Variants in CYFIP2 observed in about 807,000 individuals in gnomAD.
CYFIP2 encodes the protein cytoplasmic FMR1-interacting protein 2.
In CYFIP2, 29 loss-of-function variants were observed where a neutral mutation model predicts 158.7. That is an observed-to-expected ratio of 0.18 (90% CI 0.14 to 0.25). The LOEUF (loss-of-function observed/expected upper bound fraction) is 0.25, where lower values mean the gene tolerates loss of function less well. Among genes scored for constraint, CYFIP2 ranks in the 10% least tolerant of loss-of-function variants. CYFIP2 has a pLI of 1.00. For missense variants in CYFIP2, 852 were observed against 1,639.5 expected, an observed-to-expected ratio of 0.52 and a Z score of 8.29; for synonymous variants, 585 against 617.6, an observed-to-expected ratio of 0.95 and a Z score of 0.78.
chr5:157,288,572 T>C (rs1157735688), intron 3 of CYFIP2: 1 of 455,616 alleles, frequency 2.2e-6, no homozygotes, highest in African/African-American at 2.0e-5. Flanking sequence ...AAGTGGGAAA[T>C]AGATAAGCTT....
At chr5:157,367,679 CATTG>C (rs1486691612) in intron 26 of CYFIP2, among the ~76,000 whole-genome samples, 3 of 149,460 alleles carry the variant, frequency 2.0e-5, no homozygotes, top group Non-Finnish European at 3.0e-5. Context: ...GAAATAAATT[CATTG>C]ATTGAAAACT....
intron 18 of CYFIP2, among the ~76,000 whole-genome samples, chr5:157,326,649 G>C (rs1761042028): frequency 1.3e-5 from 2 of 152,350 alleles, no homozygotes; most frequent in South Asian, 4.1e-4. Context: ...AGGGAAGAGA[G>C]CACGTGGCCC....
At chr5:157,373,829 G>A (rs1213257064) in intron 26 of CYFIP2, among the ~76,000 whole-genome samples, 1 of 152,186 alleles carries the variant, frequency 6.6e-6, no homozygotes, top group Non-Finnish European at 1.5e-5. Flanking sequence ...GGGTGGTGGA[G>A]TTATACATTT....
At chr5:157,382,781 A>G in intron 27 of CYFIP2, 119 bp downstream of exon 27, 1 of 1,004,882 alleles carries the variant, frequency 1.0e-6, no homozygotes, top group Non-Finnish European at 1.5e-6. Context: ...TTGGACACCT[A>G]TTGAATAGCC....
rs372850169 is a variant in CYFIP2 at position 157,298,328 on chromosome 5, T to TTTTA, written c.387+1570_387+1573dup. Among the ~76,000 whole-genome samples, 76 of 151,966 alleles carry TTTTA rather than the reference T, an allele frequency of 5.0e-4. 1 individual carries two copies. The highest frequency in any genetic ancestry group is 1.6e-3 in the African/African-American group (68 of 41,428). On this transcript the variant is annotated intron_variant, in intron 5 of 30. Coordinates refer to ENST00000620254, the MANE Select transcript of CYFIP2 (RefSeq NM_001037333.3). ...GTTGTACATTCATCACGACAATCAG[T>TTTTA]TTTATTTATTTATTTATTTTTGAGA...
intron 21 of CYFIP2, among the ~76,000 whole-genome samples, chr5:157,335,489 G>C (rs776665527): frequency 6.6e-6 from 1 of 152,204 alleles, no homozygotes; most frequent in Non-Finnish European, 1.5e-5. Context: ...TGTTGGCCAG[G>C]CTGGTCTCAA....
chr5:157,379,051 A>T (rs1421554099), intron 26 of CYFIP2, among the ~76,000 whole-genome samples: 3 of 152,158 alleles, frequency 2.0e-5, no homozygotes, highest in African/African-American at 7.2e-5. Flanking sequence ...AGGGCAGCCT[A>T]TCCTGTTTCC....
At chr5:157,358,899 C>T (rs931508986) in intron 23 of CYFIP2, 106 bp from the exon 24 acceptor site, 26 of 1,442,562 alleles carry the variant, frequency 1.8e-5, no homozygotes, top group African/African-American at 5.6e-5. Context: ...TGAGCACGCT[C>T]GTAACACTGG....
At position 157,393,181 on chromosome 5, in the gene CYFIP2, C is replaced by A; in HGVS notation, c.*181C>A. 4.2e-6 allele frequency: 2 copies of A among 479,092 alleles called. No homozygotes were observed. Among genetic ancestry groups the A allele is most frequent in the Non-Finnish European group, 7.1e-6 (2 of 280,188 alleles). 29.7% of individuals were successfully genotyped at this position (479,092 alleles called of 1,614,324 possible). ...TGTGCATGCTCTCCCATGACATCTC[C>A]ATGCTGGTTTCTCCATAGCATAAAT... is the stretch of plus-strand genomic sequence containing the variant. On this transcript the variant is annotated 3_prime_UTR_variant, in exon 31 of 31. Coordinates refer to ENST00000620254, the MANE Select transcript of CYFIP2 (RefSeq NM_001037333.3).
At chr5:157,282,634 T>C (rs1283520655) in intron 1 of CYFIP2, among the ~76,000 whole-genome samples, 1 of 152,236 alleles carries the variant, frequency 6.6e-6, no homozygotes, top group Non-Finnish European at 1.5e-5. Flanking sequence ...GGATTGCTGG[T>C]CAAATGGTAA....
chr5:157,391,058 C>T (rs1767231528), intron 30 of CYFIP2, among the ~76,000 whole-genome samples: 1 of 152,070 alleles, frequency 6.6e-6, no homozygotes, highest in African/African-American at 2.4e-5. Context: ...GAGAAGGACC[C>T]TTAAACCAGG....
At chr5:157,305,494 C>G (rs1429917013) in intron 8 of CYFIP2, among the ~76,000 whole-genome samples, 2 of 152,220 alleles carry the variant, frequency 1.3e-5, no homozygotes, top group African/African-American at 4.8e-5. Context: ...ACAATCTCTT[C>G]ACCAAGAGTT....
chr5:157,293,535 A>G (rs1419230979), intron 3 of CYFIP2, among the ~76,000 whole-genome samples: 1 of 152,176 alleles, frequency 6.6e-6, no homozygotes, highest in Non-Finnish European at 1.5e-5. Flanking sequence ...GAGATAGTAC[A>G]TGGGCTGTTA....
At position 157,368,897 on chromosome 5, in the gene CYFIP2, T is replaced by G. The variant is rs554312346; in HGVS notation, c.3039+7299T>G. ...AAGATGATCCCAGAGGTTTTTTGTT[T>G]TTTTGTTTTTTTTTTTTTTGAGACA... On this transcript the variant is annotated intron_variant, in intron 26 of 30. Coordinates refer to ENST00000620254, the MANE Select transcript of CYFIP2 (RefSeq NM_001037333.3). 1.2e-3 allele frequency among the ~76,000 whole-genome samples: 133 copies of G among 110,062 alleles called. 1 individual carries two copies. The highest frequency in any genetic ancestry group is 4.9e-3 in the African/African-American group (129 of 26,128). The allele number at this position is 110,062 out of a possible 152,430, so 72.2% of individuals were successfully genotyped here. A position where few individuals can be genotyped will look rare whatever the true frequency, so the allele number is the denominator to read the frequency against.
chr5:157,387,282 G>T (rs1766794009), intron 28 of CYFIP2, among the ~76,000 whole-genome samples: 1 of 152,056 alleles, frequency 6.6e-6, no homozygotes, highest in South Asian at 2.1e-4. Context: ...ACCAGGAAAG[G>T]ACAAACACTT....
chr5:157,363,029 A>G (rs116258760), intron 26 of CYFIP2: 2,593 of 152,396 alleles, frequency 0.017, 31 homozygotes, highest in Non-Finnish European at 0.025. Context: ...TGAACAAAGC[A>G]CACCCCCCGT....
intron 26 of CYFIP2, among the ~76,000 whole-genome samples, chr5:157,370,145 C>T (rs1764859662): frequency 6.6e-6 from 1 of 152,170 alleles, no homozygotes; most frequent in African/African-American, 2.4e-5. Flanking sequence ...TCCCAAAGTG[C>T]TGGGATTACA....
chr5:157,371,820 C>T (rs1661068225), intron 26 of CYFIP2, among the ~76,000 whole-genome samples: 2 of 152,188 alleles, frequency 1.3e-5, no homozygotes, highest in African/African-American at 4.8e-5. Flanking sequence ...ATTTTTGCAT[C>T]CTGACCCTAA....
intron 1 of CYFIP2, among the ~76,000 whole-genome samples, chr5:157,283,033 G>A (rs774165045): frequency 6.6e-6 from 1 of 152,162 alleles, no homozygotes; most frequent in Non-Finnish European, 1.5e-5. Flanking sequence ...TCCACTTATC[G>A]AGTGTAATCT....
Sources: allele counts gnomAD v4.1 joint callset (sites outside exome capture counted in the v4.1 genomes callset), GRCh38; gene constraint gnomAD v4.1.1; transcripts MANE v1.5; gene names NCBI Gene and HGNC (gene_info 2026-07-23, HGNC 2026-07-21).